THSD7B: variants seen among roughly 807,000 people sequenced by gnomAD.
THSD7B encodes the protein thrombospondin type 1 domain containing 7B, also known as thrombospondin type-1 domain-containing protein 7B.
A neutral mutation model predicts 213.6 loss-of-function variants in THSD7B; 138 were observed. The ratio of observed to expected loss-of-function variants is 0.65; its 90% CI spans 0.56 to 0.74. The LOEUF is 0.74. Among genes scored for constraint, THSD7B ranks in the 30% least tolerant of loss-of-function variants. The pLI is 0.00. For synonymous variants in THSD7B, 742 were observed against 687.0 expected (o/e 1.08, Z -1.25); for missense variants, 1,931 against 1,991.5 (o/e 0.97, Z 0.58).
intron 2 of THSD7B, among the ~76,000 whole-genome samples, chr2:136,897,780 T>C (rs916451472): frequency 3.3e-5 from 5 of 152,096 alleles, no homozygotes; most frequent in African/African-American, 1.2e-4. Context: ...CGCTGATTGG[T>C]GCGCTTTTAC....
intron 7 of THSD7B, among the ~76,000 whole-genome samples, chr2:137,220,365 G>C (rs1323523598): frequency 6.6e-6 from 1 of 151,990 alleles, no homozygotes; most frequent in East Asian, 1.9e-4. Context: ...AAAATAATAA[G>C]CCAAAGATTT....
chr2:137,540,812 G>A (rs1558832382), intron 15 of THSD7B, among the ~76,000 whole-genome samples: 2 of 151,694 alleles, frequency 1.3e-5, no homozygotes, highest in Admixed American at 6.6e-5. Flanking sequence ...AAGCTTAAAA[G>A]GAAAAGCTAG....
At chr2:137,672,062 A>C (rs1264439362) in intron 27 of THSD7B, among the ~76,000 whole-genome samples, 2 of 152,178 alleles carry the variant, frequency 1.3e-5, no homozygotes, top group African/African-American at 4.8e-5. Flanking sequence ...ACTATGCTTT[A>C]TGGATTGTTT....
chr2:137,261,077 T>A (rs1682435202), intron 10 of THSD7B, among the ~76,000 whole-genome samples: 1 of 152,112 alleles, frequency 6.6e-6, no homozygotes, highest in African/African-American at 2.4e-5. Context: ...TCTTGCAAAG[T>A]GCTGAGATTA....
intron 15 of THSD7B, among the ~76,000 whole-genome samples, chr2:137,557,469 G>A (rs1243542626): frequency 3.3e-5 from 5 of 152,192 alleles, no homozygotes; most frequent in Non-Finnish European, 5.9e-5. Flanking sequence ...TGAATACTGG[G>A]TACATAATGA....
chr2:136,898,439 T>C (rs536669821), intron 2 of THSD7B, among the ~76,000 whole-genome samples: 70 of 152,194 alleles, frequency 4.6e-4, no homozygotes, highest in African/African-American at 1.6e-3. Context: ...TCCAAAGTGC[T>C]GGGATTACAG....
chr2:137,507,120 T>TA (rs1221673127), intron 15 of THSD7B, among the ~76,000 whole-genome samples: 2 of 152,194 alleles, frequency 1.3e-5, no homozygotes, highest in Non-Finnish European at 2.9e-5. Flanking sequence ...AGTATTCTCA[T>TA]TCATACAAAA....
At chr2:137,648,012 T>A (rs1382618764) in intron 21 of THSD7B, among the ~76,000 whole-genome samples, 2 of 152,192 alleles carry the variant, frequency 1.3e-5, no homozygotes, top group Non-Finnish European at 2.9e-5. Flanking sequence ...CTAATAGACT[T>A]CTTTGAAGTG....
intron 5 of THSD7B, among the ~76,000 whole-genome samples, chr2:137,121,839 CTT>C (rs1324593747): frequency 2.6e-5 from 4 of 152,286 alleles, no homozygotes; most frequent in African/African-American, 7.2e-5. Context: ...ATTGAATTCT[CTT>C]TGTTTTTTAG....
chr2:137,101,040 T>C (rs1376146752), intron 4 of THSD7B, among the ~76,000 whole-genome samples: 4 of 152,212 alleles, frequency 2.6e-5, no homozygotes, highest in African/African-American at 9.6e-5. Context: ...TTTCTTTTTG[T>C]TGTCATTTGT....
intron 2 of THSD7B, among the ~76,000 whole-genome samples, chr2:137,054,607 AT>A (rs202136301): frequency 6.6e-6 from 1 of 152,036 alleles, no homozygotes; most frequent in East Asian, 1.9e-4. Flanking sequence ...TAATGAAAAT[AT>A]TTTTCATGGA....
chr2:136,873,021 TAAAAAAAAAAAAAA>T (rs1553454610), intron 1 of THSD7B, among the ~76,000 whole-genome samples: 2 of 43,502 alleles, frequency 4.6e-5, no homozygotes. Context: ...AGACTCCATC[TAAAAAAAAAAAAAA>T]AAAAAAAAAA....
At chr2:136,817,306 G>A (rs1464702344) in intron 1 of THSD7B, among the ~76,000 whole-genome samples, 1 of 151,784 alleles carries the variant, frequency 6.6e-6, no homozygotes, top group African/African-American at 2.4e-5. Flanking sequence ...CTCCCATTTT[G>A]TAGGTTGCCT....
intron 2 of THSD7B, among the ~76,000 whole-genome samples, chr2:137,014,846 T>C (rs1267617052): frequency 2.0e-5 from 3 of 152,124 alleles, no homozygotes; most frequent in East Asian, 3.9e-4. Flanking sequence ...TTTCCTTCAC[T>C]GCATCAGCCA....
chr2:137,626,445 A>C (rs1682631565), intron 20 of THSD7B, among the ~76,000 whole-genome samples: 1 of 147,736 alleles, frequency 6.8e-6, no homozygotes, highest in Admixed American at 6.7e-5. Flanking sequence ...GCCTGGGCAA[A>C]AGAGCGAGAC....
intron 27 of THSD7B, 123 bp from the exon 28 acceptor site, chr2:137,676,401 T>G: frequency 3.5e-6 from 3 of 853,798 alleles, no homozygotes; most frequent in Non-Finnish European, 5.4e-6. Flanking sequence ...AACCCACACA[T>G]CTAGAGAAAT....
In THSD7B at chr2:137,329,560, T is replaced by C. The variant is rs542515821; in HGVS notation, c.2500+53534T>C. Reference sequence around the variant, plus strand: ...TTCTGTATTTTCAGTAGAGACGGGGTTTCACCATGTTGGCCAGGCTGATCT... The same window carrying C: ...TTCTGTATTTTCAGTAGAGACGGGGCTTCACCATGTTGGCCAGGCTGATCT... On this transcript the variant is annotated intron_variant, in intron 12 of 27. Coordinates refer to ENST00000409968, the MANE Select transcript of THSD7B (RefSeq NM_001316349.2). Among the ~76,000 whole-genome samples, 17 of 151,950 alleles carry C rather than the reference T, an allele frequency of 1.1e-4. No homozygotes were observed. In the East Asian group the frequency reaches 3.3e-3, roughly 30 times the overall value.
chr2:136,836,235 G>T (rs79345728), intron 1 of THSD7B, among the ~76,000 whole-genome samples: 2 of 152,052 alleles, frequency 1.3e-5, no homozygotes, highest in Non-Finnish European at 2.9e-5. Context: ...GGATGTAATC[G>T]CACATGAAAA....
chr2:137,613,603 T>A (rs1483617028), intron 17 of THSD7B, among the ~76,000 whole-genome samples: 2 of 152,190 alleles, frequency 1.3e-5, no homozygotes, highest in Non-Finnish European at 2.9e-5. Flanking sequence ...ATAACCTTGA[T>A]TTTTTAAAAA....
Sources: gnomAD v4.1 joint callset for allele counts (sites outside exome capture counted in the v4.1 genomes callset) on GRCh38, gnomAD v4.1.1 for gene constraint, MANE v1.5 for transcripts, NCBI Gene and HGNC (gene_info 2026-07-23, HGNC 2026-07-21) for gene names.